TMEM208: variants seen among roughly 807,000 people sequenced by gnomAD.
The protein encoded by TMEM208 is transmembrane protein 208.
A neutral mutation model predicts 26.4 loss-of-function variants in TMEM208; 19 were observed. That is an observed-to-expected ratio of 0.72 (90% confidence interval 0.50 to 1.06). The LOEUF is 1.06. Among genes scored for constraint, TMEM208 ranks in the 50% least tolerant of loss-of-function variants. The probability of loss-of-function intolerance (pLI) is 0.00; values close to 1 mark genes in which losing one functional copy is unlikely to be tolerated. For synonymous variants in TMEM208, 93 were observed against 83.1 expected (o/e 1.12, Z -0.65); for missense variants, 183 against 219.8 (o/e 0.83, Z 1.06).
In TMEM208 at chr16:67,229,026, GTTC is replaced by G. The variant is rs752455372; in HGVS notation, c.436_438del (p.Phe146del). The G allele has an allele frequency of 2.5e-6, 4 of 1,612,728 alleles. No homozygotes were observed. The highest frequency in any genetic ancestry group is 3.4e-6 in the Non-Finnish European group (4 of 1,179,008). On this transcript the variant is annotated inframe_deletion, in exon 6 of 6. Transcript: ENST00000304800. ...TGTGGGTGAATGTGCTGGGCCCCTG[GTTC>G]ACTGCAGACAGTGGCACCCCAGCAC...
rs528499124 is a variant in TMEM208, at chr16:67,228,182, G to A, written c.103-173G>A. ...AAAGGCTTCTTTCCTGGGCTGAGTT[G>A]GGTGTCAGAGGAGAGTGGGTATTTG... On this transcript the variant is annotated intron_variant, in intron 2 of 5. Transcript: ENST00000304800. The A allele has an allele frequency of 2.4e-4, 175 of 733,990 alleles. 3 individuals carry two copies. The South Asian group carries it at 3.0e-3, about 12-fold the overall frequency. 45.5% of individuals were successfully genotyped at this position (733,990 alleles called of 1,614,324 possible).
At chr16:67,227,561 C>G in intron 1 of TMEM208, 1 of 557,556 alleles carries the variant, frequency 1.8e-6, no homozygotes, top group Non-Finnish European at 3.2e-6. Context: ...AGCCTAAAGC[C>G]AGACTACCAC....
intron 1 of TMEM208, 137 bp downstream of exon 1, chr16:67,227,361 C>G: frequency 7.6e-7 from 1 of 1,310,888 alleles, no homozygotes; most frequent in Admixed American, 2.2e-5. Context: ...CGTGCTAGAG[C>G]TGGGCTGGGG....
intron 4 of TMEM208, 26 bp downstream of exon 4, chr16:67,228,657 G>C: frequency 6.5e-7 from 1 of 1,545,842 alleles, no homozygotes; most frequent in Non-Finnish European, 8.7e-7. Flanking sequence ...CGCCAGCCCA[G>C]GTGAGCGGCC....
Position 67,228,098 on chromosome 16 carries a change from A to G in TMEM208, c.102+167A>G, listed in dbSNP as rs2034094424. On this transcript the variant is annotated intron_variant, in intron 2 of 5. Coordinates refer to ENST00000304800, the MANE Select transcript of TMEM208 (RefSeq NM_014187.4). ...GAAAGTGCTAACTAGTAAAACACAA[A>G]GAAAATGAAGGCGTGAGTCGTAGCT... The G allele has an allele frequency of 7.6e-6, 5 of 658,650 alleles. No individual in the cohort carries two copies. The Admixed American group carries it at 1.2e-4, about 15-fold the overall frequency. The allele number at this position is 658,650 out of a possible 1,614,324, so 40.8% of individuals were successfully genotyped here. A position where few individuals can be genotyped will look rare whatever the true frequency, so the allele number is the denominator to read the frequency against.
At position 67,229,258 on chromosome 16, in the gene TMEM208, G is replaced by T; in HGVS notation, c.*145G>T. 1 of 820,988 alleles carries T rather than the reference G, an allele frequency of 1.2e-6. No homozygotes were observed. The highest frequency in any genetic ancestry group is 1.9e-6 in the Non-Finnish European group (1 of 536,524). 50.9% of individuals were successfully genotyped at this position (820,988 alleles called of 1,614,324 possible). On this transcript the variant is annotated 3_prime_UTR_variant, in exon 6 of 6. Transcript: ENST00000304800. ...TATACTTATACTCTATAGGGTCGTT[G>T]AATAAATGGCTTAGAATGTGGCTGA...
intron 2 of TMEM208, 23 bp from the exon 3 acceptor site, chr16:67,228,332 C>G (rs761001314): frequency 6.2e-7 from 1 of 1,613,920 alleles, no homozygotes. Flanking sequence ...CTGACCCCAA[C>G]CTGATCCTGT....
chr16:67,228,193 G>A, intron 2 of TMEM208, 162 bp from the exon 3 acceptor site: 1 of 791,494 alleles, frequency 1.3e-6, no homozygotes. Context: ...GGTGTCAGAG[G>A]AGAGTGGGTA....
intron 1 of TMEM208, among the ~76,000 whole-genome samples, 200 bp downstream of exon 1, chr16:67,227,424 A>G (rs1311852399): frequency 6.6e-6 from 1 of 152,220 alleles, no homozygotes; most frequent in Non-Finnish European, 1.5e-5. Flanking sequence ...GGTGGGCATC[A>G]GTACCAGGGC....
intron 1 of TMEM208, 112 bp from the exon 2 acceptor site, chr16:67,227,724 T>G (rs1376134792): frequency 1.2e-6 from 1 of 811,378 alleles, no homozygotes; most frequent in Admixed American, 2.7e-5. Flanking sequence ...GCTAGGTTTC[T>G]GCACTACGGG....
At chr16:67,228,466 C>T (rs754315956) in intron 3 of TMEM208, 29 bp from the exon 4 acceptor site, 2 of 1,613,942 alleles carry the variant, frequency 1.2e-6, no homozygotes, top group East Asian at 4.5e-5. Flanking sequence ...CAGTGGCTGG[C>T]CTTTGATACC....
In TMEM208 at chr16:67,228,429, C is replaced by T. The variant is rs2034108793; in HGVS notation, c.162+15C>T. On this transcript the variant is annotated intron_variant, in intron 3 of 5. Transcript: ENST00000304800. ...TTTGGGCCTGGGTAAGTATCTCCATCCTGGGAGGTGGATGAGTGCGTAGGG... is the reference window on the plus strand; with the variant it reads ...TTTGGGCCTGGGTAAGTATCTCCATTCTGGGAGGTGGATGAGTGCGTAGGG... 1 of 1,613,994 alleles carries T rather than the reference C, an allele frequency of 6.2e-7. No individual in the cohort carries two copies. Among genetic ancestry groups the T allele is most frequent in the Non-Finnish European group, 8.5e-7 (1 of 1,179,892 alleles).
chr16:67,228,094 A>C, intron 2 of TMEM208, 163 bp downstream of exon 2: 1 of 666,106 alleles, frequency 1.5e-6, no homozygotes, highest in South Asian at 2.0e-5. Context: ...CTAGTAAAAC[A>C]CAAAGAAAAT....
chr16:67,228,600 A>G lies in TMEM208; in HGVS notation c.268A>G (p.Met90Val), dbSNP rs778891911. The G allele has an allele frequency of 3.8e-6, 6 of 1,597,106 alleles. No individual in the cohort carries two copies. In the South Asian group the frequency reaches 6.8e-5, roughly 18 times the overall value. ...SEDGALMDGG[M>V]DLNMEQGMAE... ...GGATGGGGCCCTGATGGATGGTGGC[A>G]TGGACCTCAACATGGAGCAGGGCAT... Residue 90 changes from methionine (M) to valine (V), a missense_variant, in exon 4 of 6, where the codon ATG becomes GTG. Physicochemically the swap from Met to Val is conservative, Grantham distance 21 (BLOSUM62 1). Transcript: ENST00000304800.
At position 67,228,845 on chromosome 16, in the gene TMEM208, C is replaced by T. The variant is rs770303740; in HGVS notation, c.348C>T (p.Ser116=). ...ILLTAIVQVL[S]CFSLYVWSFW... ...TGACAGCCATCGTGCAGGTGCTCAGCTGCTTCTCTCTCTATGTCTGGTCCT... is the reference window on the plus strand; with the variant it reads ...TGACAGCCATCGTGCAGGTGCTCAGTTGCTTCTCTCTCTATGTCTGGTCCT... Residue 116 remains serine, a synonymous_variant, in exon 5 of 6, where the codon AGC becomes AGT. Coordinates refer to ENST00000304800, the MANE Select transcript of TMEM208 (RefSeq NM_014187.4). 1.2e-6 allele frequency: 2 copies of T among 1,613,908 alleles called. No individual in the cohort carries two copies. Among genetic ancestry groups the T allele is most frequent in the Non-Finnish European group, 1.7e-6 (2 of 1,179,890 alleles).
intron 1 of TMEM208, 149 bp from the exon 2 acceptor site, chr16:67,227,687 A>G: frequency 1.6e-6 from 1 of 634,074 alleles, no homozygotes; most frequent in Non-Finnish European, 2.7e-6. Context: ...AATGGACTGG[A>G]GGATGGGTGG....
chr16:67,228,217 G>A, intron 2 of TMEM208, 138 bp from the exon 3 acceptor site: 1 of 964,664 alleles, frequency 1.0e-6, no homozygotes, highest in Middle Eastern at 3.1e-4. Flanking sequence ...GGGATTCAGG[G>A]AGCAGGGCCC....
At chr16:67,227,750 C>G (rs1486707481) in intron 1 of TMEM208, 86 bp from the exon 2 acceptor site, 2 of 1,095,804 alleles carry the variant, frequency 1.8e-6, no homozygotes, top group Admixed American at 2.6e-5. Flanking sequence ...GGCTGAGTTG[C>G]GGATGGAGCT....
chr16:67,227,328 C>A, intron 1 of TMEM208, 104 bp downstream of exon 1: 1 of 1,493,682 alleles, frequency 6.7e-7, no homozygotes, highest in Non-Finnish European at 9.1e-7. Flanking sequence ...TGGGCCAGAG[C>A]GGGGCGCCAT....
Sources: gnomAD v4.1 joint callset for allele counts (sites outside exome capture counted in the v4.1 genomes callset) on GRCh38, gnomAD v4.1.1 for gene constraint, MANE v1.5 for transcripts, NCBI Gene and HGNC (gene_info 2026-07-23, HGNC 2026-07-21) for gene names.